Variants in BICRA observed in about 807,000 individuals in gnomAD.
BICRA encodes BRD4-interacting chromatin-remodeling complex-associated protein.
BICRA carries 31 observed loss-of-function variants against 96.9 expected under a neutral mutation model. The observed-to-expected ratio is 0.32, with a 90% CI of 0.24 to 0.43. The LOEUF (loss-of-function observed/expected upper bound fraction) is 0.43. Among genes scored for constraint, BICRA ranks in the 20% least tolerant of loss-of-function variants. The probability of loss-of-function intolerance (pLI) is 1.00; values close to 1 mark genes in which losing one functional copy is unlikely to be tolerated. For synonymous variants in BICRA, 1,350 were observed against 1,071.8 expected (o/e 1.26, Z -5.07); for missense variants, 2,283 against 2,190.3 (o/e 1.04, Z -0.84).
In BICRA at chr19:47,618,566, AC is replaced by A. The variant is rs543646987; in HGVS notation, c.-108+9404del. On this transcript the variant is annotated intron_variant, in intron 1 of 14. Transcript: ENST00000594866. ...GCAGAGGAAGGGTTGATGCCCCTTG[AC>A]CCCCCAGCCCGGCCCCGCTACCTTC... Among the ~76,000 whole-genome samples, 19 of 151,480 alleles carry A rather than the reference AC, an allele frequency of 1.3e-4. No individual in the cohort carries two copies. In the East Asian group the frequency reaches 3.5e-3, roughly 28 times the overall value.
intron 1 of BICRA, among the ~76,000 whole-genome samples, chr19:47,620,632 T>TGCACTTTA (rs1972050177): frequency 8.0e-6 from 1 of 125,704 alleles, no homozygotes; most frequent in South Asian, 2.5e-4. Context: ...ATCATACCAC[T>TGCACTTTA]GCACTTTAGC....
At chr19:47,695,996 A>G (rs1973335317) in intron 10 of BICRA, among the ~76,000 whole-genome samples, 1 of 152,044 alleles carries the variant, frequency 6.6e-6, no homozygotes, top group Non-Finnish European at 1.5e-5. Flanking sequence ...GGAGAAGCTC[A>G]GAGATGGAGA....
At chr19:47,615,610 G>C (rs948237883) in intron 1 of BICRA, 3 of 148,118 alleles carry the variant, frequency 2.0e-5, no homozygotes, top group Admixed American at 6.8e-5. Flanking sequence ...GTACCTACTT[G>C]GTAAGGCTCT....
chr19:47,655,054 A>G (rs1270998588), intron 1 of BICRA, among the ~76,000 whole-genome samples: 1 of 152,144 alleles, frequency 6.6e-6, no homozygotes, highest in Non-Finnish European at 1.5e-5. Context: ...CCCATCATTT[A>G]TGGACACTCA....
intron 1 of BICRA, among the ~76,000 whole-genome samples, chr19:47,615,065 A>G (rs1971963238): frequency 1.3e-5 from 2 of 152,128 alleles, no homozygotes; most frequent in African/African-American, 2.4e-5. Flanking sequence ...TCACTGCAGC[A>G]TTATCCTTCC....
intron 1 of BICRA, among the ~76,000 whole-genome samples, chr19:47,637,118 T>A (rs923300956): frequency 3.3e-5 from 5 of 152,042 alleles, no homozygotes; most frequent in Non-Finnish European, 7.4e-5. Context: ...TATTTTATTT[T>A]ATTTTATTTA....
At chr19:47,645,586 A>G (rs906135769) in intron 1 of BICRA, among the ~76,000 whole-genome samples, 3 of 152,220 alleles carry the variant, frequency 2.0e-5, no homozygotes, top group African/African-American at 7.2e-5. Context: ...GAAGGAGCAA[A>G]AGAGGAAAGG....
chr19:47,610,608 A>ACCCCCCCCCCCC (rs35080234), intron 1 of BICRA, among the ~76,000 whole-genome samples: 1 of 135,072 alleles, frequency 7.4e-6, no homozygotes, highest in Non-Finnish European at 1.6e-5. Context: ...CCCTTTTGTC[A>ACCCCCCCCCCCC]CCCCCCCCCC....
At position 47,691,673 on chromosome 19, in the gene BICRA, C is replaced by G. The variant is rs148008394; in HGVS notation, c.2284-2442C>G. On this transcript the variant is annotated intron_variant, in intron 7 of 14. Coordinates refer to ENST00000594866, the MANE Select transcript of BICRA (RefSeq NM_001394372.1). ...CTGCCTCCCAGGTTCAAGCAATTCT[C>G]TTGCCTCAGCCTCCTGAGTGGCCGG... Among the ~76,000 whole-genome samples the G allele has an allele frequency of 4.1e-4, 62 of 152,270 alleles. 1 individual carries two copies. The East Asian group carries it at 0.012, about 29-fold the overall frequency.
chr19:47,668,231 G>T (rs979026670), intron 1 of BICRA, among the ~76,000 whole-genome samples: 1 of 152,110 alleles, frequency 6.6e-6, no homozygotes, highest in Non-Finnish European at 1.5e-5. Flanking sequence ...CGCAGTCAGC[G>T]TGGTTTATCA....
rs1449943270 is a variant in BICRA at position 47,680,373 on chromosome 19, G to T, written c.1203G>T (p.Ala401=). The change falls in exon 6 of 15, where the codon GCG becomes GCT. Residue 401 remains alanine, a synonymous_variant. Coordinates refer to ENST00000594866, the MANE Select transcript of BICRA (RefSeq NM_001394372.1). ...CCCCGCAGAACCTGACGTTCATGGCGGCGGGGAAGGCGGGCCAGAACGTGG... is the reference window on the plus strand; with the variant it reads ...CCCCGCAGAACCTGACGTTCATGGCTGCGGGGAAGGCGGGCCAGAACGTGG... ...PKAPQNLTFM[A]AGKAGQNVVL... is the part of the protein sequence containing the mutation. 92 of 1,529,968 alleles carry T rather than the reference G, an allele frequency of 6.0e-5. No individual in the cohort carries two copies. Among genetic ancestry groups the T allele is most frequent in the Non-Finnish European group, 7.8e-5 (89 of 1,143,094 alleles). 94.8% of individuals were successfully genotyped at this position (1,529,968 alleles called of 1,614,324 possible).
chr19:47,626,190 T>C (rs1282595987), intron 1 of BICRA: 2 of 152,212 alleles, frequency 1.3e-5, no homozygotes, highest in Non-Finnish European at 2.9e-5. Flanking sequence ...AGCTTGGTTC[T>C]GGTCTAGGCC....
intron 5 of BICRA, among the ~76,000 whole-genome samples, chr19:47,677,961 C>T (rs994156273): frequency 6.6e-6 from 1 of 152,194 alleles, no homozygotes; most frequent in African/African-American, 2.4e-5. Context: ...AAATGGATCC[C>T]ACCTAAAGTG....
chr19:47,679,737 C>T lies in BICRA; in HGVS notation c.567C>T (p.Asn189=), dbSNP rs1419591803. The change falls in exon 6 of 15, where the codon AAC becomes AAT. Residue 189 remains asparagine, a synonymous_variant. Transcript: ENST00000594866. ...TGGTGCCGCCCCAGGACGTGGTCAACAAGGCCCTGAGTGTGCAGCCCTTCC... is the reference window on the plus strand; with the variant it reads ...TGGTGCCGCCCCAGGACGTGGTCAATAAGGCCCTGAGTGTGCAGCCCTTCC... ...QALVPPQDVV[N]KALSVQPFLQ... is the part of the protein sequence containing the mutation. 6.5e-7 allele frequency: 1 copy of T among 1,537,590 alleles called. No homozygotes were observed. The highest frequency in any genetic ancestry group is 8.7e-7 in the Non-Finnish European group (1 of 1,143,036).
intron 1 of BICRA, among the ~76,000 whole-genome samples, chr19:47,610,615 C>A: frequency 7.1e-6 from 1 of 141,524 alleles, no homozygotes; most frequent in Non-Finnish European, 1.5e-5. Flanking sequence ...GTCACCCCCC[C>A]CCCACACACA....
At chr19:47,636,056 A>G (rs575587175) in intron 1 of BICRA, among the ~76,000 whole-genome samples, 42 of 152,330 alleles carry the variant, frequency 2.8e-4, no homozygotes, top group African/African-American at 1.0e-3. Context: ...ATGTGTATAA[A>G]GTGTATATGA....
chr19:47,682,699 TCTCA>T (rs1317736757), intron 7 of BICRA, among the ~76,000 whole-genome samples: 2 of 149,232 alleles, frequency 1.3e-5, no homozygotes, highest in Non-Finnish European at 3.0e-5. Flanking sequence ...TGAAATGGAG[TCTCA>T]CTCTATCACC....
chr19:47,677,974 A>G (rs952783918), intron 5 of BICRA, among the ~76,000 whole-genome samples: 3 of 152,236 alleles, frequency 2.0e-5, no homozygotes, highest in African/African-American at 7.2e-5. Context: ...CTAAAGTGCC[A>G]TGTTGGTTCT....
chr19:47,630,917 A>AT (rs531319937), intron 1 of BICRA, among the ~76,000 whole-genome samples: 105 of 151,726 alleles, frequency 6.9e-4, no homozygotes, highest in Admixed American at 1.3e-3. Context: ...GTAGTCTTTT[A>AT]TTTTTTTTCC....
Sources: gnomAD v4.1 joint callset for allele counts (sites outside exome capture counted in the v4.1 genomes callset) on GRCh38, gnomAD v4.1.1 for gene constraint, MANE v1.5 for transcripts, NCBI Gene and HGNC (gene_info 2026-07-23, HGNC 2026-07-21) for gene names.